Variants in ABCA6 observed in about 807,000 individuals in gnomAD.
ABCA6 encodes ATP-binding cassette sub-family A member 6.
A neutral mutation model predicts 191.2 loss-of-function variants in ABCA6; 164 were observed. That is an observed-to-expected ratio of 0.86 (90% CI 0.76 to 0.98). The LOEUF (loss-of-function observed/expected upper bound fraction) is 0.98. ABCA6 is among the 50% of genes least tolerant of loss of function. ABCA6 has a pLI of 0.00. For missense variants in ABCA6, 1,958 were observed against 1,894.1 expected (o/e 1.03, Z -0.63); for synonymous variants, 636 against 647.7 (o/e 0.98, Z 0.27).
At chr17:69,118,575 G>C (rs541625276) in intron 10 of ABCA6, among the ~76,000 whole-genome samples, 13 of 152,100 alleles carry the variant, frequency 8.5e-5, no homozygotes, top group Admixed American at 7.9e-4. Context: ...GAAATCATTA[G>C]TGACCTCCTA....
intron 10 of ABCA6, among the ~76,000 whole-genome samples, chr17:69,119,506 T>C (rs1157732615): frequency 6.6e-6 from 1 of 152,086 alleles, no homozygotes; most frequent in Non-Finnish European, 1.5e-5. Flanking sequence ...AACAGGGTGA[T>C]TTATTTTAAA....
Position 69,085,668 on chromosome 17 carries a change from G to T in ABCA6, c.3986C>A (p.Ser1329Tyr). 1 of 1,612,490 alleles carries T rather than the reference G, an allele frequency of 6.2e-7. No individual in the cohort carries two copies. ...LGPNGAGKSS[S>Y]IRMISGITKP... Reference sequence around the variant, plus strand: ...TGTGATCCCAGATATCATTCTAATAGATGAACTTTTTCCAGCACCATTGGG... The same window carrying T: ...TGTGATCCCAGATATCATTCTAATATATGAACTTTTTCCAGCACCATTGGG... Residue 1329 changes from serine to tyrosine, a missense_variant, in exon 31 of 39, where the codon TCT becomes TAT. Physicochemically the swap from Ser to Tyr is moderately radical, Grantham distance 144. Coordinates refer to ENST00000284425, the MANE Select transcript of ABCA6 (RefSeq NM_080284.3).
chr17:69,134,295 T>A (rs2073913843), intron 5 of ABCA6, among the ~76,000 whole-genome samples: 1 of 152,032 alleles, frequency 6.6e-6, no homozygotes, highest in African/African-American at 2.4e-5. Context: ...GGGGTAGTGG[T>A]TGGGTCATGA....
intron 32 of ABCA6, 102 bp from the exon 33 acceptor site, chr17:69,084,609 T>C: frequency 9.6e-7 from 1 of 1,037,638 alleles, no homozygotes; most frequent in East Asian, 2.4e-5. Context: ...AGTAATATTA[T>C]TGTCAAAATC....
intron 17 of ABCA6, chr17:69,108,430 G>A (rs1431298551): frequency 6.6e-6 from 1 of 151,902 alleles, no homozygotes; most frequent in Non-Finnish European, 1.5e-5. Flanking sequence ...TAACTCACTG[G>A]CCTTGTTTAT....
Position 69,140,123 on chromosome 17 carries a change from A to C in ABCA6, c.96+485T>G, listed in dbSNP as rs529042884. On this transcript the variant is annotated intron_variant, in intron 2 of 38. Transcript: ENST00000284425. ...AATAATAAAAAAATAAAAAATAAAA[A>C]AATAAACATTTGCTGTGTTAAGCCA... Among the ~76,000 whole-genome samples the C allele has an allele frequency of 3.9e-5, 6 of 152,124 alleles. No individual in the cohort carries two copies. The South Asian group carries it at 1.2e-3, about 32-fold the overall frequency.
intron 2 of ABCA6, among the ~76,000 whole-genome samples, chr17:69,137,788 A>G (rs967057270): frequency 6.6e-6 from 1 of 152,208 alleles, no homozygotes; most frequent in African/African-American, 2.4e-5. Flanking sequence ...CAATCTCTAT[A>G]TGCATGGGCA....
rs539533360 is a variant in ABCA6 at position 69,138,547 on chromosome 17, T to A, written c.97-1047A>T. ...AAGGTAATTTATAGATTCAATGCCA[T>A]CCCCATCAAGCTACCAATGACTTTC... On this transcript the variant is annotated intron_variant, in intron 2 of 38. Transcript: ENST00000284425. 2.2e-3 allele frequency among the ~76,000 whole-genome samples: 327 copies of A among 151,934 alleles called. 1 individual carries two copies. The highest frequency in any genetic ancestry group is 7.7e-3 in the African/African-American group (318 of 41,442).
chr17:69,092,513 G>C lies in ABCA6; in HGVS notation c.3409-1251C>G, dbSNP rs542673281. ...GAGTCTAAACTTTGACAGTGTGAGA[G>C]GATACTCCAGAACTCCGTGTGCTAA... On this transcript the variant is annotated intron_variant, in intron 25 of 38. Coordinates refer to ENST00000284425, the MANE Select transcript of ABCA6 (RefSeq NM_080284.3). Among the ~76,000 whole-genome samples, 3 of 152,250 alleles carry C rather than the reference G, an allele frequency of 2.0e-5. No individual in the cohort carries two copies. The East Asian group carries it at 5.8e-4, about 29-fold the overall frequency.
chr17:69,133,561 T>G (rs1209466185), intron 6 of ABCA6, 80 bp downstream of exon 6: 1 of 1,069,372 alleles, frequency 9.4e-7, no homozygotes, highest in Non-Finnish European at 1.4e-6. Context: ...TAAACCATGA[T>G]GCTCTGAAAC....
At chr17:69,093,964 G>A (rs1258718049) in intron 25 of ABCA6, among the ~76,000 whole-genome samples, 2 of 152,104 alleles carry the variant, frequency 1.3e-5, no homozygotes, top group Admixed American at 6.5e-5. Context: ...TTTCCAAAAC[G>A]TACCTTGCCT....
chr17:69,088,200 C>A lies in ABCA6; in HGVS notation c.3665G>T (p.Gly1222Val), dbSNP rs149663995. Residue 1222 changes from glycine to valine, a missense_variant, in exon 28 of 39, where the codon GGA (glycine) becomes GTA (valine). Gly to Val is a moderately radical substitution (Grantham distance 109, BLOSUM62 -3). Transcript: ENST00000284425. ...FVLRCMELKC[G>V]KKRMRKDPVF... ...AGGATCTTTTCGCATTCTTTTCTTTCCACATTTTAGTTCCATGCATCTTAG... is the reference window on the plus strand; with the variant it reads ...AGGATCTTTTCGCATTCTTTTCTTTACACATTTTAGTTCCATGCATCTTAG... The A allele has an allele frequency of 3.0e-5, 49 of 1,612,298 alleles. No individual in the cohort carries two copies. The highest frequency in any genetic ancestry group is 4.1e-5 in the Non-Finnish European group (48 of 1,179,254).
In ABCA6 at chr17:69,133,809, T is replaced by C; in HGVS notation, c.623A>G (p.Lys208Arg). The C allele has an allele frequency of 1.2e-6, 2 of 1,613,070 alleles. No homozygotes were observed. Among genetic ancestry groups the C allele is most frequent in the Non-Finnish European group, 1.7e-6 (2 of 1,179,448 alleles). Residue 208 changes from lysine (K) to arginine (R), a missense_variant, in exon 6 of 39, where the codon AAG becomes AGG. Physicochemically the swap from Lys to Arg is conservative, Grantham distance 26. Transcript: ENST00000284425. The stretch of plus-strand genomic sequence containing the variant: ...ATTTTTAGTTATGAAAGGTAATGTC[T>C]TCATAGTTATAGCAGTAACTGACAT... ...ELMSVTAITM[K>R]TLPFITKNLL... is the part of the protein sequence containing the mutation.
chr17:69,140,593 A>C lies in ABCA6; in HGVS notation c.96+15T>G. The C allele has an allele frequency of 6.4e-7, 1 of 1,570,588 alleles. No individual in the cohort carries two copies. The highest frequency in any genetic ancestry group is 8.6e-7 in the Non-Finnish European group (1 of 1,156,842). ...AGAGTGCTAACCGTGGAAAGAGACA[A>C]ATTTTTAAACATACCAATAAGCTCT... On this transcript the variant is annotated intron_variant, in intron 2 of 38. Coordinates refer to ENST00000284425, the MANE Select transcript of ABCA6 (RefSeq NM_080284.3).
chr17:69,132,961 C>A (rs943154627), intron 6 of ABCA6, among the ~76,000 whole-genome samples: 4 of 152,060 alleles, frequency 2.6e-5, no homozygotes, highest in Non-Finnish European at 5.9e-5. Context: ...GTATACATAG[C>A]ACATATGTAT....
intron 8 of ABCA6, among the ~76,000 whole-genome samples, chr17:69,126,363 C>G (rs568944720): frequency 6.6e-6 from 1 of 152,164 alleles, no homozygotes; most frequent in African/African-American, 2.4e-5. Flanking sequence ...AAAACTAAAA[C>G]AGGCCAAGTG....
At position 69,102,790 on chromosome 17, in the gene ABCA6, G is replaced by A. The variant is rs750153686; in HGVS notation, c.2874+45C>T. On this transcript the variant is annotated intron_variant, in intron 21 of 38. Coordinates refer to ENST00000284425, the MANE Select transcript of ABCA6 (RefSeq NM_080284.3). ...TCTGCAGTTTTAAAACAGCTAAAAT[G>A]TAGTACTTTTTGTTTTTTTCATAAA... is the stretch of plus-strand genomic sequence containing the variant. The A allele has an allele frequency of 2.6e-6, 4 of 1,540,718 alleles. No individual in the cohort carries two copies. In the South Asian group the frequency reaches 5.1e-5, roughly 20 times the overall value.
chr17:69,105,587 T>C lies in ABCA6; in HGVS notation c.2615A>G (p.Glu872Gly). Reference sequence around the variant, plus strand: ...ATTTAACATAGCATACATTATATTTTCAACAATCAAAGGGAATATTGCGAT... The same window carrying C: ...ATTTAACATAGCATACATTATATTTCCAACAATCAAAGGGAATATTGCGAT... ...FGIAIFPLIV[E>G]NIMYAMLNEK... Residue 872 changes from glutamate (E) to glycine (G), a missense_variant, in exon 20 of 39, where the codon GAA becomes GGA. Transcript: ENST00000284425. The C allele has an allele frequency of 6.5e-7, 1 of 1,547,928 alleles. No individual in the cohort carries two copies.
chr17:69,096,200 A>T, intron 25 of ABCA6, 40 bp downstream of exon 25: 1 of 1,034,644 alleles, frequency 9.7e-7, no homozygotes, highest in East Asian at 2.9e-5. Context: ...AAGTTTAAAA[A>T]ATAACACTAT....
Sources: gnomAD v4.1 joint callset for allele counts (sites outside exome capture counted in the v4.1 genomes callset) on GRCh38, gnomAD v4.1.1 for gene constraint, MANE v1.5 for transcripts, NCBI Gene and HGNC (gene_info 2026-07-23, HGNC 2026-07-21) for gene names.